Variants in AKR1B1 observed in about 807,000 individuals in gnomAD.
The protein encoded by AKR1B1 is aldo-keto reductase family 1 member B, also known as aldo-keto reductase family 1 member B1.
A neutral mutation model predicts 40.4 loss-of-function variants in AKR1B1; 22 were observed. The ratio of observed to expected loss-of-function variants is 0.54; its 90% CI spans 0.39 to 0.78. AKR1B1 has a LOEUF of 0.78. Ranked by LOEUF, AKR1B1 falls within the 30% of genes least tolerant of loss-of-function variation. The pLI, the probability that AKR1B1 is intolerant of heterozygous loss-of-function variation, is 0.00. For missense variants in AKR1B1, 357 were observed against 396.7 expected (o/e 0.90, Z 0.85); for synonymous variants, 157 against 149.9 (o/e 1.05, Z -0.35).
At position 134,456,289 on chromosome 7, in the gene AKR1B1, T is replaced by C. The variant is rs1585719305; in HGVS notation, c.66+2708A>G. On this transcript the variant is annotated intron_variant, in intron 1 of 9. Transcript: ENST00000285930. ...ACCTCGGCTCACTGCAACCTCCACA[T>C]CTGGGGTTCAAGCGATTTTCCTGCC... Among the ~76,000 whole-genome samples, 3 of 152,180 alleles carry C rather than the reference T, an allele frequency of 2.0e-5. 1 individual carries two copies. In the South Asian group the frequency reaches 6.2e-4, roughly 32 times the overall value.
chr7:134,450,071 A>G (rs1806237881), intron 3 of AKR1B1, among the ~76,000 whole-genome samples: 1 of 152,168 alleles, frequency 6.6e-6, no homozygotes, highest in Non-Finnish European at 1.5e-5. Context: ...AGGACTCAAG[A>G]CCAGGACTCA....
intron 1 of AKR1B1, among the ~76,000 whole-genome samples, chr7:134,453,741 CAT>C (rs1441906545): frequency 5.3e-5 from 8 of 152,248 alleles, no homozygotes; most frequent in African/African-American, 1.2e-4. Context: ...TCGCTGGAGA[CAT>C]GTGTGCTGGG....
At chr7:134,458,973 GC>G in intron 1 of AKR1B1, 23 bp downstream of exon 1, 5 of 1,598,242 alleles carry the variant, frequency 3.1e-6, no homozygotes, top group East Asian at 4.5e-5. Context: ...CGAGCCCCGG[GC>G]CCGCGCCCCC....
chr7:134,451,177 T>G, intron 2 of AKR1B1: 2 of 559,334 alleles, frequency 3.6e-6, no homozygotes, highest in Non-Finnish European at 3.2e-6. Flanking sequence ...TCTCGAAACT[T>G]TCCCCCCGGG....
intron 1 of AKR1B1, among the ~76,000 whole-genome samples, chr7:134,456,502 G>A (rs1806479125): frequency 6.6e-6 from 1 of 151,422 alleles, no homozygotes; most frequent in African/African-American, 2.4e-5. Flanking sequence ...CCCGGCCCCA[G>A]GGAAAGGTTT....
upstream of AKR1B1, chr7:134,459,198 G>T: frequency 8.9e-7 from 1 of 1,123,782 alleles, no homozygotes; most frequent in Non-Finnish European, 1.3e-6. Context: ...CTTCTGATTG[G>T]TTGCGCTGGG....
At chr7:134,443,110 A>AAC (rs1339039316) in intron 9 of AKR1B1, among the ~76,000 whole-genome samples, 1 of 152,228 alleles carries the variant, frequency 6.6e-6, no homozygotes, top group Admixed American at 6.5e-5. Context: ...TGTGGTCTTA[A>AAC]ACATCTTGTG....
chr7:134,449,395 G>T, intron 4 of AKR1B1: 1 of 563,614 alleles, frequency 1.8e-6, no homozygotes, highest in Non-Finnish European at 3.2e-6. Flanking sequence ...GACCATCCTG[G>T]CTAACACGGT....
At chr7:134,450,386 G>T (rs963171346) in intron 3 of AKR1B1, among the ~76,000 whole-genome samples, 3 of 152,198 alleles carry the variant, frequency 2.0e-5, no homozygotes, top group African/African-American at 7.2e-5. Context: ...TGTAGAACGT[G>T]GGTAGGGACT....
At chr7:134,451,155 C>G in intron 2 of AKR1B1, 1 of 588,980 alleles carries the variant, frequency 1.7e-6, no homozygotes, top group Non-Finnish European at 3.1e-6. Flanking sequence ...TGCCCTAGGC[C>G]TAAGCAAGAA....
rs17849987 is a variant in AKR1B1 at position 134,459,057 on chromosome 7, T to C, written c.6A>G (p.Ala2=). The change falls in exon 1 of 10, where the codon GCA becomes GCG. Residue 2 remains alanine, a synonymous_variant. Transcript: ENST00000285930. M[A]SRLLLNNGAK... ...CGCCGTTGTTGAGCAGGAGACGGCT[T>C]GCCATGGCTGCTGCGCTCCCCAGAC... is the stretch of plus-strand genomic sequence containing the variant. The C allele has an allele frequency of 1.9e-6, 3 of 1,603,634 alleles. No homozygotes were observed. The South Asian group carries it at 3.4e-5, about 18-fold the overall frequency.
At chr7:134,447,659 A>G in intron 7 of AKR1B1, 1 of 613,530 alleles carries the variant, frequency 1.6e-6, no homozygotes, top group Admixed American at 2.7e-5. Flanking sequence ...AGAAATGCAC[A>G]CTACCACTCA....
At chr7:134,446,677 T>C (rs1399454000) in intron 8 of AKR1B1, among the ~76,000 whole-genome samples, 1 of 151,186 alleles carries the variant, frequency 6.6e-6, no homozygotes, top group Non-Finnish European at 1.5e-5. Context: ...GCTGCCACAC[T>C]GAGCGCTTCG....
rs550085632 is a variant in AKR1B1, at chr7:134,449,410, C to T, written c.430-291G>A. ...GACCATCCTGGCTAACACGGTGAAACCCCGTCTCTACTAAAAATACAAAAA... is the reference window on the plus strand; with the variant it reads ...GACCATCCTGGCTAACACGGTGAAATCCCGTCTCTACTAAAAATACAAAAA... On this transcript the variant is annotated intron_variant, in intron 4 of 9. Transcript: ENST00000285930. 3.1e-5 allele frequency: 17 copies of T among 555,744 alleles called. No individual in the cohort carries two copies. In the South Asian group the frequency reaches 3.3e-4, roughly 11 times the overall value. 34.4% of individuals were successfully genotyped at this position (555,744 alleles called of 1,614,324 possible).
chr7:134,447,048 T>C (rs1806118961), intron 8 of AKR1B1, among the ~76,000 whole-genome samples: 1 of 152,034 alleles, frequency 6.6e-6, no homozygotes, highest in South Asian at 2.1e-4. Flanking sequence ...TCGGTGTGGC[T>C]GAAGGGCCTG....
chr7:134,459,064 G>A lies in AKR1B1; in HGVS notation c.-2C>T, dbSNP rs150551159. ...GTTGAGCAGGAGACGGCTTGCCATG[G>A]CTGCTGCGCTCCCCAGACCCCCGCC... On this transcript the variant is annotated 5_prime_UTR_variant, in exon 1 of 10. Transcript: ENST00000285930. The A allele has an allele frequency of 6.9e-6, 11 of 1,602,048 alleles. No homozygotes were observed. The African/African-American group carries it at 8.0e-5, about 12-fold the overall frequency.
In AKR1B1 at chr7:134,444,777, G is replaced by A. The variant is rs140956724; in HGVS notation, c.908+461C>T. 433 of 229,430 alleles carry A rather than the reference G, an allele frequency of 1.9e-3. 4 individuals are homozygous for A. The highest frequency in any genetic ancestry group is 3.1e-3 in the Non-Finnish European group (360 of 114,738). The allele number at this position is 229,430 out of a possible 1,614,324, so 14.2% of individuals were successfully genotyped here. On this transcript the variant is annotated intron_variant, in intron 9 of 9. Transcript: ENST00000285930. ...TGAGGTGCCTGCTGCTCAGAGGGAG[G>A]GCCTGTTTTGGAGCCATGTGGCTTA...
At chr7:134,451,776 C>T (rs1482583874) in intron 1 of AKR1B1, 23 bp from the exon 2 acceptor site, 1 of 1,612,784 alleles carries the variant, frequency 6.2e-7, no homozygotes, top group East Asian at 2.2e-5. Flanking sequence ...AGAACGTGAG[C>T]CCCGCAGAAT....
intron 8 of AKR1B1, among the ~76,000 whole-genome samples, chr7:134,446,303 C>A (rs930729639): frequency 6.6e-6 from 1 of 152,222 alleles, no homozygotes; most frequent in Admixed American, 6.5e-5. Context: ...CTCTCCTAAA[C>A]AATGAGCTCC....
Sources: allele counts gnomAD v4.1 joint callset (sites outside exome capture counted in the v4.1 genomes callset), GRCh38; gene constraint gnomAD v4.1.1; transcripts MANE v1.5; gene names NCBI Gene and HGNC (gene_info 2026-07-23, HGNC 2026-07-21).